The following ACOXL variants were observed in gnomAD, a reference collection of about 807,000 sequenced individuals.
ACOXL encodes acyl-coenzyme A oxidase-like protein.
A neutral mutation model predicts 71.9 loss-of-function variants in ACOXL; 70 were observed. That is an observed-to-expected ratio of 0.97 (90% confidence interval 0.80 to 1.19). The LOEUF is 1.19. Among genes scored for constraint, ACOXL ranks in the 50% most tolerant of loss-of-function variants. ACOXL has a pLI of 0.00. For missense variants in ACOXL, 703 were observed against 736.3 expected (o/e 0.95, Z 0.52); for synonymous variants, 253 against 281.6 (o/e 0.90, Z 1.02).
rs965627887 is a variant in ACOXL at position 110,807,830 on chromosome 2, G to A, written c.753+2435G>A. Among the ~76,000 whole-genome samples, 3 of 152,156 alleles carry A rather than the reference G, an allele frequency of 2.0e-5. No homozygotes were observed. The South Asian group carries it at 6.2e-4, about 32-fold the overall frequency. ...TGGTCCTTCTCCTTCTGCTCTTGCTGATGAGTGGAAAAATGGATCCGTTTC... is the reference window on the plus strand; with the variant it reads ...TGGTCCTTCTCCTTCTGCTCTTGCTAATGAGTGGAAAAATGGATCCGTTTC... On this transcript the variant is annotated intron_variant, in intron 9 of 17. Coordinates refer to ENST00000439055, the MANE Select transcript of ACOXL (RefSeq NM_001142807.4).
At chr2:111,041,784 A>T (rs1468504202) in intron 15 of ACOXL, among the ~76,000 whole-genome samples, 1 of 152,218 alleles carries the variant, frequency 6.6e-6, no homozygotes, top group Admixed American at 6.5e-5. Context: ...CTGTGCCGTC[A>T]TCTCTTCCTG....
chr2:111,021,159 T>C (rs1333157795), intron 14 of ACOXL, among the ~76,000 whole-genome samples: 3 of 151,998 alleles, frequency 2.0e-5, no homozygotes, highest in African/African-American at 7.3e-5. Flanking sequence ...CAGGCAAGGG[T>C]GGCAGGGGCG....
intron 10 of ACOXL, among the ~76,000 whole-genome samples, chr2:110,844,831 G>C (rs1225165436): frequency 1.3e-5 from 2 of 152,012 alleles, no homozygotes; most frequent in Non-Finnish European, 2.9e-5. Flanking sequence ...ACAGGTGTGA[G>C]CCACCACGCC....
chr2:110,742,131 T>C (rs1677629327), intron 1 of ACOXL, among the ~76,000 whole-genome samples: 1 of 152,170 alleles, frequency 6.6e-6, no homozygotes. Flanking sequence ...CTTACACACA[T>C]CCACCAGCTA....
intron 11 of ACOXL, among the ~76,000 whole-genome samples, chr2:110,912,056 G>A (rs911398735): frequency 6.6e-6 from 1 of 151,956 alleles, no homozygotes; most frequent in African/African-American, 2.4e-5. Flanking sequence ...CTATAGACTA[G>A]CAATGAATAA....
At chr2:110,945,520 T>C (rs2061067676) in intron 12 of ACOXL, among the ~76,000 whole-genome samples, 1 of 152,242 alleles carries the variant, frequency 6.6e-6, no homozygotes, top group Admixed American at 6.5e-5. Context: ...GATTTTTGTA[T>C]ATGCTGTAAG....
At chr2:110,921,088 C>T (rs552752952) in intron 11 of ACOXL, among the ~76,000 whole-genome samples, 1 of 152,042 alleles carries the variant, frequency 6.6e-6, no homozygotes, top group East Asian at 1.9e-4. Context: ...AAATTTATGG[C>T]GATAGTGTTG....
chr2:110,943,974 CTG>C (rs2060998196), intron 12 of ACOXL, among the ~76,000 whole-genome samples: 1 of 152,126 alleles, frequency 6.6e-6, no homozygotes, highest in African/African-American at 2.4e-5. Flanking sequence ...AAGAAGGAAA[CTG>C]AGGCCAGAAA....
At chr2:110,890,526 T>C (rs1364566128) in intron 10 of ACOXL, among the ~76,000 whole-genome samples, 2 of 152,200 alleles carry the variant, frequency 1.3e-5, no homozygotes, top group Non-Finnish European at 2.9e-5. Context: ...TTCTTTTTCA[T>C]GTGAATATCC....
chr2:110,950,827 G>GAGAGAC (rs2061304545), intron 12 of ACOXL, among the ~76,000 whole-genome samples: 1 of 151,802 alleles, frequency 6.6e-6, no homozygotes, highest in Non-Finnish European at 1.5e-5. Context: ...GAGAGAGAGA[G>GAGAGAC]AGAGAGAGGG....
chr2:110,850,312 TA>T (rs1238189179), intron 10 of ACOXL, among the ~76,000 whole-genome samples: 1 of 152,012 alleles, frequency 6.6e-6, no homozygotes, highest in East Asian at 1.9e-4. Flanking sequence ...TGCAAAGAAA[TA>T]AAAAGACAAG....
chr2:110,967,243 G>A (rs2061973553), intron 12 of ACOXL, among the ~76,000 whole-genome samples: 1 of 152,242 alleles, frequency 6.6e-6, no homozygotes, highest in South Asian at 2.1e-4. Flanking sequence ...TATAATGACT[G>A]AATTAACAAA....
At chr2:110,921,042 T>TG (rs1191792792) in intron 11 of ACOXL, among the ~76,000 whole-genome samples, 1 of 152,172 alleles carries the variant, frequency 6.6e-6, no homozygotes, top group Non-Finnish European at 1.5e-5. Context: ...ACCTAATTTT[T>TG]TGAGTGCTTT....
chr2:111,050,507 T>C (rs1022276053), intron 16 of ACOXL, among the ~76,000 whole-genome samples: 2 of 152,248 alleles, frequency 1.3e-5, no homozygotes, highest in Non-Finnish European at 2.9e-5. Flanking sequence ...TTCCATGACC[T>C]TGAAGCAGCT....
chr2:111,069,950 C>A (rs2067260219), intron 16 of ACOXL, among the ~76,000 whole-genome samples: 1 of 152,162 alleles, frequency 6.6e-6, no homozygotes, highest in Non-Finnish European at 1.5e-5. Context: ...TTTGCCAAAG[C>A]ATGGTAACCC....
intron 10 of ACOXL, among the ~76,000 whole-genome samples, chr2:110,881,888 T>A (rs919804438): frequency 7.4e-6 from 1 of 134,460 alleles, no homozygotes; most frequent in South Asian, 2.3e-4. Flanking sequence ...TGAGGGACAT[T>A]GGGTTTTTTT....
intron 2 of ACOXL, among the ~76,000 whole-genome samples, chr2:110,782,903 C>CTGGG (rs1363415568): frequency 3.3e-5 from 5 of 152,108 alleles, no homozygotes; most frequent in Non-Finnish European, 7.4e-5. Context: ...GGAAGATGAA[C>CTGGG]TGGGGGCCCA....
At chr2:111,065,499 A>C (rs952006518) in intron 16 of ACOXL, among the ~76,000 whole-genome samples, 4 of 152,196 alleles carry the variant, frequency 2.6e-5, no homozygotes, top group Middle Eastern at 3.2e-3. Flanking sequence ...TGATTCATAA[A>C]AGGAAAAACT....
intron 12 of ACOXL, among the ~76,000 whole-genome samples, chr2:110,972,460 AGT>A (rs939991885): frequency 2.6e-5 from 4 of 152,184 alleles, no homozygotes; most frequent in African/African-American, 9.7e-5. Context: ...TTCTTGTATA[AGT>A]GGGGTGTGTC....
Sources: gnomAD v4.1 joint callset for allele counts (sites outside exome capture counted in the v4.1 genomes callset) on GRCh38, gnomAD v4.1.1 for gene constraint, MANE v1.5 for transcripts, NCBI Gene and HGNC (gene_info 2026-07-23, HGNC 2026-07-21) for gene names.